HIF3A: variants seen among roughly 807,000 people sequenced by gnomAD.
HIF3A encodes the protein hypoxia-inducible factor 3-alpha.
A neutral mutation model predicts 67.2 loss-of-function variants in HIF3A; 41 were observed. The observed-to-expected ratio is 0.61, with a 90% confidence interval of 0.48 to 0.79. The LOEUF (loss-of-function observed/expected upper bound fraction) is 0.79, where lower values mean the gene tolerates loss of function less well. HIF3A is among the 30% of genes least tolerant of loss of function. HIF3A has a pLI of 0.00. For missense variants in HIF3A, 855 were observed against 898.0 expected (o/e 0.95, Z 0.61); for synonymous variants, 356 against 374.8 (o/e 0.95, Z 0.58).
At position 46,307,747 on chromosome 19, in the gene HIF3A, CA is replaced by C. The variant is rs1206701910; in HGVS notation, c.364-462del. Among the ~76,000 whole-genome samples the C allele has an allele frequency of 3.5e-3, 455 of 130,630 alleles. 3 individuals are homozygous for C. Among genetic ancestry groups the C allele is most frequent in the African/African-American group, 9.7e-3 (342 of 35,420 alleles). The allele number at this position is 130,630 out of a possible 152,430, so 85.7% of individuals were successfully genotyped here. A position where few individuals can be genotyped will look rare whatever the true frequency, so the allele number is the denominator to read the frequency against. Reference sequence around the variant, plus strand: ...TGGGCAACAGAGCGAGACTCCATCTCAAAAAAAAAAAAGAAAAGAAAAAAAT... The same window carrying C: ...TGGGCAACAGAGCGAGACTCCATCTCAAAAAAAAAAAGAAAAGAAAAAAAT... On this transcript the variant is annotated intron_variant, in intron 3 of 14. Transcript: ENST00000377670.
At chr19:46,307,288 T>G (rs1968937502) in intron 3 of HIF3A, among the ~76,000 whole-genome samples, 1 of 152,190 alleles carries the variant, frequency 6.6e-6, no homozygotes, top group African/African-American at 2.4e-5. Context: ...GGGATTTGTG[T>G]GTGCAGTCAC....
At chr19:46,336,495 G>C (rs1314291118) in intron 14 of HIF3A, among the ~76,000 whole-genome samples, 1 of 152,064 alleles carries the variant, frequency 6.6e-6, no homozygotes, top group Non-Finnish European at 1.5e-5. Flanking sequence ...AGCCTCCCAA[G>C]TAGCTGGGAC....
In HIF3A at chr19:46,304,068, T is replaced by C. The variant is rs1350141246; in HGVS notation, c.197T>C (p.Met66Thr). 23 of 1,575,726 alleles carry C rather than the reference T, an allele frequency of 1.5e-5. No individual in the cohort carries two copies. The highest frequency in any genetic ancestry group is 2.0e-5 in the Non-Finnish European group (23 of 1,162,062). ...IMRLTISYLR[M>T]HRLCAAGEWN... The stretch of plus-strand genomic sequence containing the variant: ...CGCCTCACCATCAGCTACCTGCGCA[T>C]GCACCGCCTCTGCGCCGCAGGTGAG... Residue 66 changes from methionine (M) to threonine (T), a missense_variant, in exon 2 of 15, where the codon ATG (methionine) becomes ACG (threonine). Met to Thr is a moderately conservative substitution (Grantham distance 81). Around this residue, in one of 3 missense-constraint regions of HIF3A, gnomAD observed 638 missense variants for 660.5 expected, o/e 0.97. Coordinates refer to ENST00000377670, the MANE Select transcript of HIF3A (RefSeq NM_152795.4).
At chr19:46,338,612 GGT>G in intron 14 of HIF3A, 1 of 755,306 alleles carries the variant, frequency 1.3e-6, no homozygotes, top group Non-Finnish European at 1.7e-6. Flanking sequence ...TACTAGTTAT[GGT>G]TCAAAACACC....
At chr19:46,312,951 G>A (rs10409816) in intron 8 of HIF3A, 1 of 980,612 alleles carries the variant, frequency 1.0e-6, no homozygotes, top group South Asian at 4.9e-5. Flanking sequence ...ATTCAAATTA[G>A]AAAGGGGTCT....
chr19:46,333,853 C>T (rs1971423259), intron 13 of HIF3A, among the ~76,000 whole-genome samples: 1 of 125,696 alleles, frequency 8.0e-6, no homozygotes, highest in Admixed American at 9.6e-5. Flanking sequence ...AGTGCAGTGG[C>T]GCGATCTCGG....
intron 6 of HIF3A, 181 bp from the exon 7 acceptor site, chr19:46,311,980 G>T: frequency 2.6e-6 from 2 of 763,056 alleles, no homozygotes; most frequent in Non-Finnish European, 4.8e-6. Flanking sequence ...ACATCTTTGG[G>T]GGTCATTATT....
At position 46,325,548 on chromosome 19, in the gene HIF3A, A is replaced by G. The variant is rs765301179; in HGVS notation, c.1349A>G (p.Asp450Gly). Reference sequence around the variant, plus strand: ...ATCTCTCCACAGGCTGATCTCCCAGATGAACTACCTGTGGGCACCGAGAAT... The same window carrying G: ...ATCTCTCCACAGGCTGATCTCCCAGGTGAACTACCTGTGGGCACCGAGAAT... The part of the protein sequence containing the change: ...PQSPLSADLP[D>G]ELPVGTENVH... Residue 450 changes from aspartate (D) to glycine (G), a missense_variant, in exon 11 of 15, where the codon GAT (aspartate) becomes GGT (glycine). Transcript: ENST00000377670. 9 of 1,612,606 alleles carry G rather than the reference A, an allele frequency of 5.6e-6. No homozygotes were observed. Among genetic ancestry groups the G allele is most frequent in the East Asian group, 2.2e-5 (1 of 44,874 alleles).
At position 46,318,425 on chromosome 19, in the gene HIF3A, C is replaced by T. The variant is rs1970091067; in HGVS notation, c.1026-2018C>T. 3.3e-5 allele frequency among the ~76,000 whole-genome samples: 5 copies of T among 150,146 alleles called. No individual in the cohort carries two copies. The Admixed American group carries it at 3.4e-4, about 10-fold the overall frequency. On this transcript the variant is annotated intron_variant, in intron 8 of 14. Coordinates refer to ENST00000377670, the MANE Select transcript of HIF3A (RefSeq NM_152795.4). The stretch of plus-strand genomic sequence containing the variant: ...ATTAACCCAGCGTGGTGGCATATGG[C>T]TGTAATCCCAGCTACTCAGGAGGCT...
chr19:46,320,368 C>A, intron 8 of HIF3A, 75 bp from the exon 9 acceptor site: 1 of 1,165,780 alleles, frequency 8.6e-7, no homozygotes, highest in Non-Finnish European at 1.3e-6. Flanking sequence ...AATAGGACAT[C>A]ACCTGAACAG....
At chr19:46,338,429 C>G (rs1461526274) in intron 14 of HIF3A, 1 of 623,422 alleles carries the variant, frequency 1.6e-6, no homozygotes, top group Non-Finnish European at 2.3e-6. Flanking sequence ...TCTTGAACTC[C>G]TGAGTTCAAG....
intron 9 of HIF3A, among the ~76,000 whole-genome samples, chr19:46,321,287 T>C (rs1970340681): frequency 1.3e-5 from 2 of 152,110 alleles, no homozygotes; most frequent in South Asian, 2.1e-4. Flanking sequence ...ATCTGGCCAC[T>C]GAAGTTCACA....
At chr19:46,323,853 A>G (rs1317435471) in intron 10 of HIF3A, among the ~76,000 whole-genome samples, 1 of 152,108 alleles carries the variant, frequency 6.6e-6, no homozygotes, top group African/African-American at 2.4e-5. Flanking sequence ...CTTATTCACT[A>G]TCACGAGGAC....
intron 1 of HIF3A, among the ~76,000 whole-genome samples, chr19:46,301,478 G>A (rs1371806460): frequency 1.3e-5 from 2 of 152,240 alleles, no homozygotes; most frequent in Admixed American, 1.3e-4. Flanking sequence ...GGGCTTCTTG[G>A]GCAAGGACTT....
In HIF3A at chr19:46,297,526, G is replaced by C. The variant is rs2147092381; in HGVS notation, c.26+424G>C. Reference sequence around the variant, plus strand: ...GGGTATTCTTTGCCACCAGGTGCCTGGGATCCTAGGTGATATGGGATACCC... The same window carrying C: ...GGGTATTCTTTGCCACCAGGTGCCTCGGATCCTAGGTGATATGGGATACCC... On this transcript the variant is annotated intron_variant, in intron 1 of 14. Transcript: ENST00000377670. The surrounding 1 kb of genome is among the most constrained non-coding windows in gnomAD (Gnocchi z 4.5). 6.6e-6 allele frequency among the ~76,000 whole-genome samples: 1 copy of C among 152,172 alleles called. No homozygotes were observed. The highest frequency in any genetic ancestry group is 3.4e-3 in the Middle Eastern group (1 of 294).
In HIF3A at chr19:46,331,224, G is replaced by C. The variant is rs759153478; in HGVS notation, c.1781G>C (p.Arg594Thr). The C allele has an allele frequency of 5.6e-6, 9 of 1,614,046 alleles. No homozygotes were observed. In the South Asian group the frequency reaches 8.8e-5, roughly 16 times the overall value. ...CTGCTGGGAGTGAGACCTCCCAAAA[G>C]GTCCCCCAGCCCAGAACACGAAAAC... is the stretch of plus-strand genomic sequence containing the variant. ...VELLGVRPPK[R>T]SPSPEHENFL... The change falls in exon 13 of 15, where the codon AGG becomes ACG. Residue 594 changes from arginine (R) to threonine (T), a missense_variant. By Grantham distance (71) the Arg-to-Thr change is moderately conservative. Transcript: ENST00000377670.
intron 2 of HIF3A, 82 bp downstream of exon 2, chr19:46,304,170 C>A: frequency 7.8e-7 from 1 of 1,286,252 alleles, no homozygotes; most frequent in Non-Finnish European, 1.1e-6. Flanking sequence ...GCCCCTCCTC[C>A]GGGAAGCCTT....
chr19:46,329,006 G>T, intron 11 of HIF3A: 1 of 473,268 alleles, frequency 2.1e-6, no homozygotes, highest in South Asian at 4.4e-5. Flanking sequence ...TTACAGGTGT[G>T]AGCTACCATG....
chr19:46,304,139 A>G (rs1284868956), intron 2 of HIF3A, 51 bp downstream of exon 2: 2 of 1,475,602 alleles, frequency 1.4e-6, no homozygotes, highest in South Asian at 1.2e-5. Context: ...CGCCCACGGA[A>G]AAAAACTACA....
Sources: gnomAD v4.1 joint callset for allele counts (sites outside exome capture counted in the v4.1 genomes callset) on GRCh38, gnomAD v4.1.1 for gene constraint, gnomAD v4.1.1 regional missense constraint, Gnocchi (gnomAD v3.1) non-coding constraint, MANE v1.5 for transcripts, NCBI Gene and HGNC (gene_info 2026-07-23, HGNC 2026-07-21) for gene names.